The following TEKT2 variants were observed in gnomAD, a reference collection of about 807,000 sequenced individuals.
The protein encoded by TEKT2 is tektin 2, also known as tektin-2.
A neutral mutation model predicts 49.8 loss-of-function variants in TEKT2; 45 were observed. The ratio of observed to expected loss-of-function variants is 0.90; its 90% confidence interval spans 0.71 to 1.16. TEKT2 has a LOEUF of 1.16. Ranked by LOEUF, TEKT2 falls within the 50% of genes most tolerant of loss-of-function variation. The pLI, the probability that TEKT2 is intolerant of heterozygous loss-of-function variation, is 0.00. For missense variants in TEKT2, 523 were observed against 551.4 expected, an observed-to-expected ratio of 0.95 and a Z score of 0.52; for synonymous variants, 202 against 224.6, an observed-to-expected ratio of 0.90 and a Z score of 0.90.
Position 36,085,823 on chromosome 1 carries a change from C to A in TEKT2, c.283-13C>A. On this transcript the variant is annotated splice_polypyrimidine_tract_variant and intron_variant, in intron 3 of 9. Coordinates refer to ENST00000207457, the MANE Select transcript of TEKT2 (RefSeq NM_014466.3). ...ATGTGAGCCACCGTGCCCGGCCGCG[C>A]CCTCTTTTCTAGATGAAGGAGTCAG... 1.2e-6 allele frequency: 2 copies of A among 1,612,190 alleles called. No homozygotes were observed. Among genetic ancestry groups the A allele is most frequent in the South Asian group, 1.1e-5 (1 of 90,706 alleles).
At position 36,088,215 on chromosome 1, in the gene TEKT2, G is replaced by A. The variant is rs1475484487; in HGVS notation, c.*29G>A. The A allele has an allele frequency of 5.2e-6, 5 of 954,400 alleles. No individual in the cohort carries two copies. Among genetic ancestry groups the A allele is most frequent in the Non-Finnish European group, 8.2e-6 (5 of 608,562 alleles). The allele number at this position is 954,400 out of a possible 1,614,324, so 59.1% of individuals were successfully genotyped here. A position where few individuals can be genotyped will look rare whatever the true frequency, so the allele number is the denominator to read the frequency against. ...TGGAGGACTGCAGGAGGAGGGCAGGGTTGGGTGGGCAATGGAAGGAGGGAG... is the reference window on the plus strand; with the variant it reads ...TGGAGGACTGCAGGAGGAGGGCAGGATTGGGTGGGCAATGGAAGGAGGGAG... On this transcript the variant is annotated 3_prime_UTR_variant, in exon 10 of 10. Transcript: ENST00000207457.
rs1569999212 is a variant in TEKT2 at position 36,085,690 on chromosome 1, T to G, written c.283-146T>G. On this transcript the variant is annotated intron_variant, in intron 3 of 9. Transcript: ENST00000207457. ...GTGCGCCATCACTCCCAGCTAATTT[T>G]TGTATTTTTAGTAGAGACGGGGTTT... 3.6e-6 allele frequency: 3 copies of G among 827,036 alleles called. No homozygotes were observed. The East Asian group carries it at 8.1e-5, about 22-fold the overall frequency. 51.2% of individuals were successfully genotyped at this position (827,036 alleles called of 1,614,324 possible). A position where few individuals can be genotyped will look rare whatever the true frequency, so the allele number is the denominator to read the frequency against.
Position 36,084,805 on chromosome 1 carries a change from G to C in TEKT2, c.-52-65G>C. Reference sequence around the variant, plus strand: ...CAAAATGGACAGGAACAAGTCCTGCGCAGGGGGCGTGTGATCCAGGAGGTC... The same window carrying C: ...CAAAATGGACAGGAACAAGTCCTGCCCAGGGGGCGTGTGATCCAGGAGGTC... On this transcript the variant is annotated intron_variant, in intron 1 of 9. Coordinates refer to ENST00000207457, the MANE Select transcript of TEKT2 (RefSeq NM_014466.3). This position sits in a 1 kb window ranked among gnomAD's most constrained non-coding sequence, Gnocchi z 4.1. 1 of 1,483,548 alleles carries C rather than the reference G, an allele frequency of 6.7e-7. No individual in the cohort carries two copies. The highest frequency in any genetic ancestry group is 1.1e-5 in the South Asian group (1 of 87,254). 91.9% of individuals were successfully genotyped at this position (1,483,548 alleles called of 1,614,324 possible). A position where few individuals can be genotyped will look rare whatever the true frequency, so the allele number is the denominator to read the frequency against.
Position 36,087,828 on chromosome 1 carries a change from G to T in TEKT2, c.1079+21G>T. The T allele has an allele frequency of 6.2e-7, 1 of 1,612,890 alleles. No individual in the cohort carries two copies. The highest frequency in any genetic ancestry group is 8.5e-7 in the Non-Finnish European group (1 of 1,179,644). On this transcript the variant is annotated intron_variant, in intron 9 of 9. Coordinates refer to ENST00000207457, the MANE Select transcript of TEKT2 (RefSeq NM_014466.3). This position sits in a 1 kb window ranked among gnomAD's most constrained non-coding sequence, Gnocchi z 4.9. ...GCACAGTAGGTCTCGGGAGTGGGCG[G>T]AAGGAGCAGTGAGACGCTGCCCACA...
Position 36,084,993 on chromosome 1 carries a change from A to T in TEKT2, c.72A>T (p.Leu24=). The T allele has an allele frequency of 1.9e-6, 3 of 1,614,046 alleles. No individual in the cohort carries two copies. The highest frequency in any genetic ancestry group is 1.7e-6 in the Non-Finnish European group (2 of 1,180,032). ...ACTGGCACACTAACAGCTACCTGCT[A>T]TCCACCAATGCCCAGCTGCAGCGAG... The part of the protein sequence containing the change: ...LPDWHTNSYL[L]STNAQLQRDA... Residue 24 remains leucine (L), a synonymous_variant, in exon 2 of 10, where the codon CTA becomes CTT. Coordinates refer to ENST00000207457, the MANE Select transcript of TEKT2 (RefSeq NM_014466.3). The surrounding 1 kb of genome is among the most constrained non-coding windows in gnomAD (Gnocchi z 4.1).
At chr1:36,085,795 C>T in intron 3 of TEKT2, 41 bp from the exon 4 acceptor site, 2 of 1,590,798 alleles carry the variant, frequency 1.3e-6, no homozygotes, top group Non-Finnish European at 1.7e-6. Context: ...GCTGGGATTA[C>T]AGATGTGAGC....
chr1:36,086,362 CGT>C (rs1396336932), intron 4 of TEKT2, among the ~76,000 whole-genome samples: 1 of 152,142 alleles, frequency 6.6e-6, no homozygotes, highest in Non-Finnish European at 1.5e-5. Context: ...CAGCTACATC[CGT>C]GTGCCCCGCA....
rs555098077 is a variant in TEKT2, at chr1:36,084,119, G to C, written c.-83G>C. 1.3e-5 allele frequency: 2 copies of C among 152,368 alleles called. No homozygotes were observed. The highest frequency in any genetic ancestry group is 2.4e-5 in the African/African-American group (1 of 41,442). 9.4% of individuals were successfully genotyped at this position (152,368 alleles called of 1,614,324 possible). A position where few individuals can be genotyped will look rare whatever the true frequency, so the allele number is the denominator to read the frequency against. On this transcript the variant is annotated 5_prime_UTR_variant, in exon 1 of 10. Transcript: ENST00000207457. This position sits in a 1 kb window ranked among gnomAD's most constrained non-coding sequence, Gnocchi z 4.1. Reference sequence around the variant, plus strand: ...GGTGCCAAACACTGGAGCTCAGAGCGGGGGGCGCGGAGAGCGAAGCGGGAA... The same window carrying C: ...GGTGCCAAACACTGGAGCTCAGAGCCGGGGGCGCGGAGAGCGAAGCGGGAA...
At position 36,088,131 on chromosome 1, in the gene TEKT2, G is replaced by T. The variant is rs112168987; in HGVS notation, c.1238G>T (p.Arg413Leu). 4.9e-5 allele frequency: 79 copies of T among 1,610,632 alleles called. 3 individuals carry two copies. In the African/African-American group the frequency reaches 5.2e-4, roughly 11 times the overall value. ...RFVPEVDTFT[R>L]TTNSTLSPLK... ...GTGCCTGAGGTGGACACCTTCACAC[G>T]TACCACAAATAGCACCCTGAGTCCA... The change falls in exon 10 of 10, where the codon CGT becomes CTT. Residue 413 changes from arginine (R) to leucine (L), a missense_variant. Coordinates refer to ENST00000207457, the MANE Select transcript of TEKT2 (RefSeq NM_014466.3).
At position 36,085,268 on chromosome 1, in the gene TEKT2, G is replaced by A. The variant is rs200973847; in HGVS notation, c.262G>A (p.Glu88Lys). ...LDKCLTDLDA[E>K]IDALTQMKES... is the part of the protein sequence containing the mutation. ...CAAGTGTCTGACAGATTTAGATGCC[G>A]AGATCGATGCCCTGACACAGGCAGG... The change falls in exon 3 of 10, where the codon GAG (glutamate) becomes AAG (lysine). Residue 88 changes from glutamate (E) to lysine (K), a missense_variant. By Grantham distance (56) the Glu-to-Lys change is moderately conservative. Coordinates refer to ENST00000207457, the MANE Select transcript of TEKT2 (RefSeq NM_014466.3). The A allele has an allele frequency of 5.0e-6, 8 of 1,614,060 alleles. No individual in the cohort carries two copies. In the East Asian group the frequency reaches 6.7e-5, roughly 13 times the overall value.
chr1:36,085,144 C>G lies in TEKT2; in HGVS notation c.157-19C>G. Reference sequence around the variant, plus strand: ...CCCAACCCCTTGACACCCTCTCTATCTGGCTCTGTCTCTCTCAGACCATTT... The same window carrying G: ...CCCAACCCCTTGACACCCTCTCTATGTGGCTCTGTCTCTCTCAGACCATTT... On this transcript the variant is annotated intron_variant, in intron 2 of 9. Transcript: ENST00000207457. 6.2e-7 allele frequency: 1 copy of G among 1,614,270 alleles called. No individual in the cohort carries two copies. Among genetic ancestry groups the G allele is most frequent in the South Asian group, 1.1e-5 (1 of 91,090 alleles).
chr1:36,085,507 CTTTT>C (rs1159834731), intron 3 of TEKT2, among the ~76,000 whole-genome samples: 13 of 82,558 alleles, frequency 1.6e-4, no homozygotes, highest in South Asian at 9.7e-4. Flanking sequence ...TCTTTCTTTT[CTTTT>C]TTTTTTTTTT....
In TEKT2 at chr1:36,087,725, C is replaced by G; in HGVS notation, c.1000-3C>G. 1.2e-6 allele frequency: 2 copies of G among 1,613,634 alleles called. No individual in the cohort carries two copies. Among genetic ancestry groups the G allele is most frequent in the Non-Finnish European group, 1.7e-6 (2 of 1,179,932 alleles). On this transcript the variant is annotated splice_region_variant and splice_polypyrimidine_tract_variant and intron_variant, in intron 8 of 9. Coordinates refer to ENST00000207457, the MANE Select transcript of TEKT2 (RefSeq NM_014466.3). The surrounding 1 kb of genome is among the most constrained non-coding windows in gnomAD (Gnocchi z 4.9). ...TTGGAACTCCCAACCCCTCTGCCTC[C>G]AGGCACAGTACGGCCTCACCGACGA...
Position 36,088,009 on chromosome 1 carries a change from G to C in TEKT2, c.1116G>C (p.Arg372=). The C allele has an allele frequency of 6.2e-7, 1 of 1,611,916 alleles. No homozygotes were observed. Among genetic ancestry groups the C allele is most frequent in the Non-Finnish European group, 8.5e-7 (1 of 1,179,564 alleles). Reference sequence around the variant, plus strand: ...ACGCCCTGTGCAAGCACCTGGCCCGGCTGCAGGCTGACATTGCCTGCAAGG... The same window carrying C: ...ACGCCCTGTGCAAGCACCTGGCCCGCCTGCAGGCTGACATTGCCTGCAAGG... The part of the protein sequence containing the change: ...ALDALCKHLA[R]LQADIACKAN... The change falls in exon 10 of 10, where the codon CGG becomes CGC. Residue 372 remains arginine (R), a synonymous_variant. Transcript: ENST00000207457.
rs528831582 is a variant in TEKT2 at position 36,084,785 on chromosome 1, T to A, written c.-52-85T>A. 2.2e-6 allele frequency: 3 copies of A among 1,342,078 alleles called. No individual in the cohort carries two copies. Among genetic ancestry groups the A allele is most frequent in the Middle Eastern group, 2.5e-4 (1 of 3,938 alleles). The allele number at this position is 1,342,078 out of a possible 1,614,324, so 83.1% of individuals were successfully genotyped here. On this transcript the variant is annotated intron_variant, in intron 1 of 9. Coordinates refer to ENST00000207457, the MANE Select transcript of TEKT2 (RefSeq NM_014466.3). The surrounding 1 kb of genome is among the most constrained non-coding windows in gnomAD (Gnocchi z 4.1). ...CAGCAGGACAGGGCTCAGAGCAAAA[T>A]GGACAGGAACAAGTCCTGCGCAGGG...
In TEKT2 at chr1:36,087,702, G is replaced by C; in HGVS notation, c.1000-26G>C. ...AGGTAAAGGACAGTGTGGCTGACTT[G>C]GAACTCCCAACCCCTCTGCCTCCAG... On this transcript the variant is annotated intron_variant, in intron 8 of 9. Coordinates refer to ENST00000207457, the MANE Select transcript of TEKT2 (RefSeq NM_014466.3). This position sits in a 1 kb window ranked among gnomAD's most constrained non-coding sequence, Gnocchi z 4.9. The C allele has an allele frequency of 6.2e-7, 1 of 1,613,136 alleles. No individual in the cohort carries two copies. The highest frequency in any genetic ancestry group is 8.5e-7 in the Non-Finnish European group (1 of 1,179,730).
Position 36,088,084 on chromosome 1 carries a change from G to C in TEKT2, c.1191G>C (p.Leu397=). The C allele has an allele frequency of 6.2e-7, 1 of 1,613,050 alleles. No individual in the cohort carries two copies. Among genetic ancestry groups the C allele is most frequent in the Non-Finnish European group, 8.5e-7 (1 of 1,179,920 alleles). Residue 397 remains leucine, a synonymous_variant, in exon 10 of 10, where the codon CTG becomes CTC. Transcript: ENST00000207457. ...DTKCMDTRRK[L]TVPAERFVPE... is the part of the protein sequence containing the mutation. Reference sequence around the variant, plus strand: ...AGTGCATGGACACACGGCGCAAGCTGACCGTGCCTGCTGAGAGGTTCGTGC... The same window carrying C: ...AGTGCATGGACACACGGCGCAAGCTCACCGTGCCTGCTGAGAGGTTCGTGC...
chr1:36,085,917 A>AC lies in TEKT2; in HGVS notation c.364_365insC (p.Ser122ThrfsTer6), dbSNP rs780642414. On this transcript the variant is annotated frameshift_variant, in exon 4 of 10. Transcript: ENST00000207457. LOFTEE classifies it high-confidence loss of function. ...CATTGAGTGCCTGACCCTGCGGGAA[A>AC]GCCGGCGAGACATTGATGTGGTGAA... 1.2e-6 allele frequency: 2 copies of AC among 1,613,938 alleles called. No homozygotes were observed. Among genetic ancestry groups the AC allele is most frequent in the African/African-American group, 1.3e-5 (1 of 74,904 alleles).
In TEKT2 at chr1:36,088,065, T is replaced by C. The variant is rs1328471190; in HGVS notation, c.1172T>C (p.Met391Thr). The C allele has an allele frequency of 3.7e-6, 6 of 1,612,898 alleles. No homozygotes were observed. The highest frequency in any genetic ancestry group is 1.7e-5 in the Admixed American group (1 of 59,996). Residue 391 changes from methionine (M) to threonine (T), a missense_variant, in exon 10 of 10, where the codon ATG becomes ACG. Coordinates refer to ENST00000207457, the MANE Select transcript of TEKT2 (RefSeq NM_014466.3). ...TCCATGCTGCTGGACACCAAGTGCA[T>C]GGACACACGGCGCAAGCTGACCGTG... ...ANSMLLDTKCMDTRRKLTVPA... is the reference protein window; with the variant it reads ...ANSMLLDTKCTDTRRKLTVPA...
Sources: allele counts gnomAD v4.1 joint callset (sites outside exome capture counted in the v4.1 genomes callset), GRCh38; gene constraint gnomAD v4.1.1; non-coding constraint Gnocchi (gnomAD v3.1); transcripts MANE v1.5; gene names NCBI Gene and HGNC (gene_info 2026-07-23, HGNC 2026-07-21).